NAALADL2: variants seen among roughly 807,000 people sequenced by gnomAD.
NAALADL2 encodes N-acetylated alpha-linked acidic dipeptidase like 2.
Under a neutral mutation model 87.2 loss-of-function variants are expected in NAALADL2, and 76 were observed. The observed-to-expected ratio is 0.87, with a 90% CI of 0.72 to 1.05. NAALADL2 has a LOEUF of 1.05. Ranked by LOEUF, NAALADL2 falls within the 50% of genes least tolerant of loss-of-function variation. The probability of loss-of-function intolerance (pLI) is 0.00; values close to 1 mark genes in which losing one functional copy is unlikely to be tolerated. For synonymous variants in NAALADL2, 354 were observed against 331.0 expected (o/e 1.07, Z -0.75); for missense variants, 1,089 against 945.8 (o/e 1.15, Z -1.99).
At chr3:174,626,088 ATTTT>A (rs34520470) in intron 2 of NAALADL2, among the ~76,000 whole-genome samples, 139 of 138,860 alleles carry the variant, frequency 1.0e-3, no homozygotes, top group Middle Eastern at 7.5e-3. Flanking sequence ...ATAACTATAG[ATTTT>A]TTTTTTTTTT....
intron 2 of NAALADL2, among the ~76,000 whole-genome samples, chr3:175,118,833 TG>T (rs1394246627): frequency 6.6e-6 from 1 of 151,762 alleles, no homozygotes; most frequent in Non-Finnish European, 1.5e-5. Context: ...TGATTATTTC[TG>T]GGGCTTCTTA....
At chr3:174,900,326 G>A (rs1349815416) in intron 1 of NAALADL2, among the ~76,000 whole-genome samples, 1 of 152,090 alleles carries the variant, frequency 6.6e-6, no homozygotes, top group Middle Eastern at 3.6e-3. Flanking sequence ...TTATTAAGGG[G>A]TTAAGTATAC....
intron 1 of NAALADL2, among the ~76,000 whole-genome samples, chr3:174,968,720 C>T (rs978664910): frequency 8.6e-5 from 13 of 152,036 alleles, no homozygotes; most frequent in South Asian, 8.3e-4. Context: ...CCTCGTGATC[C>T]GCCGCCTCGG....
chr3:175,055,720 T>C (rs73038463), intron 1 of NAALADL2, among the ~76,000 whole-genome samples: 29,257 of 152,126 alleles, frequency 0.19, 3,908 homozygotes, highest in African/African-American at 0.38. Context: ...TATTTTCCCC[T>C]ATCCGGTGGC....
intron 4 of NAALADL2, among the ~76,000 whole-genome samples, chr3:175,269,076 T>C (rs1752408606): frequency 6.6e-6 from 1 of 151,788 alleles, no homozygotes; most frequent in African/African-American, 2.4e-5. Flanking sequence ...GTAGCTAGGA[T>C]TACAGATGTG....
intron 11 of NAALADL2, among the ~76,000 whole-genome samples, chr3:175,711,555 A>C (rs142294172): frequency 3.9e-5 from 6 of 152,078 alleles, no homozygotes; most frequent in African/African-American, 1.4e-4. Flanking sequence ...AGTCAAGCTT[A>C]TAATTAGTGA....
At chr3:175,465,492 T>TTTTTTTTTTTTTTTTTTTTA (rs1723866545) in intron 7 of NAALADL2, among the ~76,000 whole-genome samples, 1 of 125,584 alleles carries the variant, frequency 8.0e-6, no homozygotes, top group African/African-American at 2.9e-5. Flanking sequence ...TTTTTTTTTT[T>TTTTTTTTTTTTTTTTTTTTA]GAGATGGAGT....
At chr3:174,675,027 G>C (rs1423937306) in intron 2 of NAALADL2, among the ~76,000 whole-genome samples, 2 of 152,014 alleles carry the variant, frequency 1.3e-5, no homozygotes, top group African/African-American at 4.8e-5. Flanking sequence ...TTCAAGATGT[G>C]ATGTAACTTT....
At chr3:174,630,469 C>G (rs1339224704) in intron 2 of NAALADL2, among the ~76,000 whole-genome samples, 1 of 152,008 alleles carries the variant, frequency 6.6e-6, no homozygotes, top group Non-Finnish European at 1.5e-5. Flanking sequence ...AAAATTTATC[C>G]TTACTTTTCC....
intron 1 of NAALADL2, among the ~76,000 whole-genome samples, chr3:175,003,080 A>G (rs1256758140): frequency 1.3e-5 from 2 of 152,234 alleles, no homozygotes; most frequent in African/African-American, 4.8e-5. Context: ...ACTGGATGAT[A>G]TCTGCAAGAC....
intron 4 of NAALADL2, among the ~76,000 whole-genome samples, chr3:175,300,424 T>A (rs906788468): frequency 1.3e-5 from 2 of 151,948 alleles, no homozygotes; most frequent in African/African-American, 2.4e-5. Flanking sequence ...GGTCTTGGGC[T>A]TTTTTTTGGT....
At chr3:175,475,488 C>T (rs949529707) in intron 9 of NAALADL2, among the ~76,000 whole-genome samples, 15 of 152,266 alleles carry the variant, frequency 9.9e-5, no homozygotes, top group Middle Eastern at 3.4e-3. Context: ...ATAATTTGGT[C>T]ATCCATATTT....
At chr3:175,633,113 A>C (rs943341841) in intron 11 of NAALADL2, among the ~76,000 whole-genome samples, 2 of 152,098 alleles carry the variant, frequency 1.3e-5, no homozygotes, top group African/African-American at 4.8e-5. Context: ...AGTCCTCAAG[A>C]CAGAAATATT....
At chr3:175,357,248 G>T (rs899287750) in intron 5 of NAALADL2, among the ~76,000 whole-genome samples, 1 of 152,108 alleles carries the variant, frequency 6.6e-6, no homozygotes. Context: ...AGGTCACAAA[G>T]ATCAGTGGAG....
intron 3 of NAALADL2, among the ~76,000 whole-genome samples, chr3:174,851,269 A>G (rs923684939): frequency 2.0e-5 from 3 of 151,850 alleles, no homozygotes; most frequent in African/African-American, 7.2e-5. Context: ...GAGCAGAAGT[A>G]AATGGGATTG....
At chr3:175,000,665 G>A (rs1184262563) in intron 1 of NAALADL2, among the ~76,000 whole-genome samples, 1 of 151,918 alleles carries the variant, frequency 6.6e-6, no homozygotes, top group Non-Finnish European at 1.5e-5. Context: ...TTTGAAGCTG[G>A]AATCCATAAT....
intron 1 of NAALADL2, among the ~76,000 whole-genome samples, chr3:174,510,832 G>A (rs1245884461): frequency 6.6e-6 from 1 of 151,430 alleles, no homozygotes. Flanking sequence ...TCTAACATGA[G>A]CATTTAAGCC....
At chr3:175,786,573 G>C (rs1346848014) in intron 13 of NAALADL2, among the ~76,000 whole-genome samples, 3 of 152,008 alleles carry the variant, frequency 2.0e-5, no homozygotes, top group Non-Finnish European at 4.4e-5. Flanking sequence ...GCACTTCTCT[G>C]TATTGGTTAT....
chr3:175,343,597 A>C (rs1762787648), intron 5 of NAALADL2, among the ~76,000 whole-genome samples: 1 of 144,658 alleles, frequency 6.9e-6, no homozygotes, highest in South Asian at 2.2e-4. Context: ...CTGGTCTTTC[A>C]TGCATTATGT....
Sources: gnomAD v4.1 joint callset for allele counts (sites outside exome capture counted in the v4.1 genomes callset) on GRCh38, gnomAD v4.1.1 for gene constraint, MANE v1.5 for transcripts, NCBI Gene and HGNC (gene_info 2026-07-23, HGNC 2026-07-21) for gene names.